CRIM1: variants seen among roughly 807,000 people sequenced by gnomAD.
The protein encoded by CRIM1 is cysteine-rich motor neuron 1 protein.
A neutral mutation model predicts 116.4 loss-of-function variants in CRIM1; 32 were observed. The observed-to-expected ratio is 0.27, with a 90% CI of 0.21 to 0.37. The LOEUF is 0.37. CRIM1 is among the 10% of genes least tolerant of loss of function. The pLI is 1.00. For missense variants in CRIM1, 1,331 were observed against 1,354.8 expected (o/e 0.98, Z 0.28); for synonymous variants, 590 against 509.2 (o/e 1.16, Z -2.13).
At chr2:36,489,315 T>C (rs887179233) in intron 7 of CRIM1, among the ~76,000 whole-genome samples, 1 of 151,842 alleles carries the variant, frequency 6.6e-6, no homozygotes, top group African/African-American at 2.4e-5. Context: ...ATTCAAGGAG[T>C]CTCTATTTGT....
intron 2 of CRIM1, among the ~76,000 whole-genome samples, chr2:36,405,317 C>G (rs3770919): frequency 0.19 from 28,696 of 152,098 alleles, 2,998 homozygotes; most frequent in South Asian, 0.33. Context: ...CCACTAGAAC[C>G]GCTTCATGGA....
At chr2:36,466,333 C>T (rs897359045) in intron 5 of CRIM1, among the ~76,000 whole-genome samples, 3 of 152,112 alleles carry the variant, frequency 2.0e-5, no homozygotes, top group Non-Finnish European at 4.4e-5. Context: ...AGAAAAAGTT[C>T]TGTGCACTTA....
At chr2:36,446,748 T>C (rs545213278) in intron 4 of CRIM1, among the ~76,000 whole-genome samples, 35 of 150,936 alleles carry the variant, frequency 2.3e-4, no homozygotes, top group Non-Finnish European at 4.1e-4. Flanking sequence ...GCATTCTACC[T>C]TTCAGGAGAG....
chr2:36,467,612 A>G (rs1452700121), intron 5 of CRIM1, among the ~76,000 whole-genome samples: 2 of 152,240 alleles, frequency 1.3e-5, no homozygotes, highest in Non-Finnish European at 1.5e-5. Flanking sequence ...AACAGATTCT[A>G]TAAGATAGTG....
intron 2 of CRIM1, among the ~76,000 whole-genome samples, chr2:36,418,223 A>G (rs1169081437): frequency 6.6e-6 from 1 of 152,206 alleles, no homozygotes; most frequent in African/African-American, 2.4e-5. Flanking sequence ...AATTCAAGGC[A>G]CAGTGCAGGA....
rs1288755453 is a variant in CRIM1 at position 36,442,643 on chromosome 2, A to G, written c.777A>G (p.Glu259=). Reference sequence around the variant, plus strand: ...TCGGCGTGGACTGCAGGACTGTGGAATGCCCTCCTGTTCAGCAGACCGCGT... The same window carrying G: ...TCGGCGTGGACTGCAGGACTGTGGAGTGCCCTCCTGTTCAGCAGACCGCGT... ...PVFGVDCRTV[E]CPPVQQTACP... Residue 259 remains glutamate, a synonymous_variant, in exon 4 of 17, where the codon GAA becomes GAG. Coordinates refer to ENST00000280527, the MANE Select transcript of CRIM1 (RefSeq NM_016441.3). 8 of 1,614,032 alleles carry G rather than the reference A, an allele frequency of 5.0e-6. No individual in the cohort carries two copies. The highest frequency in any genetic ancestry group is 6.8e-6 in the Non-Finnish European group (8 of 1,180,018).
chr2:36,522,418 C>T, intron 13 of CRIM1, 105 bp downstream of exon 13: 1 of 859,590 alleles, frequency 1.2e-6, no homozygotes, highest in East Asian at 2.5e-5. Flanking sequence ...TGGTTTTTTC[C>T]CTGCTTGACA....
At chr2:36,400,756 T>C (rs1672346831) in intron 2 of CRIM1, among the ~76,000 whole-genome samples, 1 of 152,112 alleles carries the variant, frequency 6.6e-6, no homozygotes, top group Non-Finnish European at 1.5e-5. Flanking sequence ...ATTTTGTTGA[T>C]AAGCTCTAGA....
chr2:36,375,383 G>A (rs1388781294), intron 1 of CRIM1, among the ~76,000 whole-genome samples: 1 of 152,152 alleles, frequency 6.6e-6, no homozygotes, highest in African/African-American at 2.4e-5. Context: ...AAGGTATATA[G>A]CACCTGTTGT....
At chr2:36,362,233 T>C (rs1280663559) in intron 1 of CRIM1, among the ~76,000 whole-genome samples, 2 of 152,176 alleles carry the variant, frequency 1.3e-5, no homozygotes, top group African/African-American at 2.4e-5. Context: ...ATTAATTGGC[T>C]AGTGAAATAT....
intron 7 of CRIM1, among the ~76,000 whole-genome samples, chr2:36,488,801 T>C (rs1192985771): frequency 6.6e-6 from 1 of 152,166 alleles, no homozygotes; most frequent in African/African-American, 2.4e-5. Flanking sequence ...AGTCCCAGGC[T>C]CCAGCTCTTA....
At chr2:36,451,890 GT>G (rs916873707) in intron 4 of CRIM1, among the ~76,000 whole-genome samples, 1 of 151,242 alleles carries the variant, frequency 6.6e-6, no homozygotes, top group African/African-American at 2.4e-5. Context: ...ACAGTTTTAA[GT>G]TTTTTTAGGC....
In CRIM1 at chr2:36,434,618, C is replaced by T. The variant is rs368602639; in HGVS notation, c.506-6640C>T. On this transcript the variant is annotated intron_variant, in intron 2 of 16. Transcript: ENST00000280527. ...AGAATGAGTAGAGGCGTGCCCCACA[C>T]GTAGGAGATGCTCAATTAGTAGAGA... Among the ~76,000 whole-genome samples, 18 of 152,306 alleles carry T rather than the reference C, an allele frequency of 1.2e-4. No individual in the cohort carries two copies. In the East Asian group the frequency reaches 1.9e-3, roughly 16 times the overall value.
chr2:36,479,589 T>A lies in CRIM1; in HGVS notation c.1267T>A (p.Phe423Ile). The A allele has an allele frequency of 6.2e-7, 1 of 1,614,200 alleles. No individual in the cohort carries two copies. The highest frequency in any genetic ancestry group is 8.5e-7 in the Non-Finnish European group (1 of 1,180,032). ...GDRWREDDCT[F>I]CQCVNGERHC... ...CCGGTGGCGGGAAGACGACTGCACATTCTGCCAGTGCGTCAACGGTGAACG... is the reference window on the plus strand; with the variant it reads ...CCGGTGGCGGGAAGACGACTGCACAATCTGCCAGTGCGTCAACGGTGAACG... Residue 423 changes from phenylalanine to isoleucine, a missense_variant, in exon 7 of 17, where the codon TTC becomes ATC. This residue lies in a region of CRIM1 where 690 missense variants were observed against 676.0 expected (regional missense o/e 1.02). Coordinates refer to ENST00000280527, the MANE Select transcript of CRIM1 (RefSeq NM_016441.3).
chr2:36,516,964 T>C (rs1243269507), intron 11 of CRIM1, among the ~76,000 whole-genome samples: 1 of 152,180 alleles, frequency 6.6e-6, no homozygotes, highest in South Asian at 2.1e-4. Flanking sequence ...TACCAAGTAT[T>C]CTGTAAATGA....
At chr2:36,547,613 A>G (rs982027562) in intron 16 of CRIM1, among the ~76,000 whole-genome samples, 5 of 152,160 alleles carry the variant, frequency 3.3e-5, no homozygotes, top group Non-Finnish European at 5.9e-5. Flanking sequence ...AGGGTATACA[A>G]AAGGCAAAAG....
At chr2:36,399,116 A>T (rs1672242247) in intron 2 of CRIM1, among the ~76,000 whole-genome samples, 2 of 152,234 alleles carry the variant, frequency 1.3e-5, no homozygotes, top group Admixed American at 6.5e-5. Context: ...GCAGAGTTTT[A>T]TGTTGGTGGA....
chr2:36,464,508 T>C, intron 4 of CRIM1, 26 bp from the exon 5 acceptor site: 1 of 1,613,772 alleles, frequency 6.2e-7, no homozygotes, highest in Non-Finnish European at 8.5e-7. Context: ...TTCATGGGGT[T>C]TTCCTTCCCT....
At chr2:36,538,895 C>G (rs1666746423) in intron 14 of CRIM1, among the ~76,000 whole-genome samples, 1 of 152,060 alleles carries the variant, frequency 6.6e-6, no homozygotes. Context: ...ACCAGTTTCC[C>G]CAGTAATATG....
Sources: gnomAD v4.1 joint callset for allele counts (sites outside exome capture counted in the v4.1 genomes callset) on GRCh38, gnomAD v4.1.1 for gene constraint, gnomAD v4.1.1 regional missense constraint, MANE v1.5 for transcripts, NCBI Gene and HGNC (gene_info 2026-07-23, HGNC 2026-07-21) for gene names.